Variants in ARHGAP20 observed in about 807,000 individuals in gnomAD.
ARHGAP20 encodes the protein rho GTPase-activating protein 20.
A neutral mutation model predicts 73.7 loss-of-function variants in ARHGAP20; 34 were observed. That is an observed-to-expected ratio of 0.46 (90% CI 0.35 to 0.61). ARHGAP20 has a LOEUF of 0.61. Ranked by LOEUF, ARHGAP20 falls within the 20% of genes least tolerant of loss-of-function variation. The pLI, the probability that ARHGAP20 is intolerant of heterozygous loss-of-function variation, is 0.00. For missense variants in ARHGAP20, 1,314 were observed against 1,420.9 expected, an observed-to-expected ratio of 0.92 and a Z score of 1.21; for synonymous variants, 523 against 518.2, an observed-to-expected ratio of 1.01 and a Z score of -0.13.
chr11:110,695,461 T>G (rs1950317974), intron 1 of ARHGAP20, among the ~76,000 whole-genome samples: 1 of 151,616 alleles, frequency 6.6e-6, no homozygotes, highest in Non-Finnish European at 1.5e-5. Context: ...TTGTATCTAT[T>G]ATAAAGAAAT....
intron 2 of ARHGAP20, among the ~76,000 whole-genome samples, chr11:110,670,403 C>T (rs555037024): frequency 6.6e-6 from 1 of 152,084 alleles, no homozygotes; most frequent in South Asian, 2.1e-4. Context: ...AACATTATAG[C>T]TCCTACACAC....
intron 2 of ARHGAP20, among the ~76,000 whole-genome samples, chr11:110,683,134 T>A (rs1950068303): frequency 6.6e-6 from 1 of 152,098 alleles, no homozygotes; most frequent in Non-Finnish European, 1.5e-5. Flanking sequence ...GTGGATACAT[T>A]TTTGTGCAAT....
intron 4 of ARHGAP20, among the ~76,000 whole-genome samples, chr11:110,619,917 A>G (rs1381977599): frequency 1.3e-5 from 2 of 152,210 alleles, no homozygotes; most frequent in Non-Finnish European, 2.9e-5. Flanking sequence ...AAGCATGAAA[A>G]GCTCACATGG....
At chr11:110,581,294 C>G in intron 14 of ARHGAP20, 69 bp from the exon 15 acceptor site, 1 of 1,421,036 alleles carries the variant, frequency 7.0e-7, no homozygotes, top group Middle Eastern at 2.1e-4. Flanking sequence ...TCCTTAAGAA[C>G]AAATTCTCTT....
At chr11:110,610,556 C>T (rs1435563771) in intron 7 of ARHGAP20, among the ~76,000 whole-genome samples, 1 of 152,028 alleles carries the variant, frequency 6.6e-6, no homozygotes, top group Non-Finnish European at 1.5e-5. Context: ...AATGAAAGTA[C>T]TCATTGTGTG....
rs545711057 is a variant in ARHGAP20, at chr11:110,650,172, T to G, written c.189-19380A>C. Among the ~76,000 whole-genome samples the G allele has an allele frequency of 1.9e-3, 296 of 152,258 alleles. 4 individuals are homozygous for G. The highest frequency in any genetic ancestry group is 6.8e-3 in the African/African-American group (281 of 41,574). On this transcript the variant is annotated intron_variant, in intron 2 of 14. Coordinates refer to ENST00000683387, the MANE Select transcript of ARHGAP20 (RefSeq NM_001384657.1). ...ACTTATTTTATATCTATATGCCATG[T>G]TTCCCCAGCTGGATGGTAAGCTCCT... is the stretch of plus-strand genomic sequence containing the variant.
chr11:110,599,997 C>T (rs1473558096), intron 9 of ARHGAP20, among the ~76,000 whole-genome samples: 1 of 152,202 alleles, frequency 6.6e-6, no homozygotes, highest in Non-Finnish European at 1.5e-5. Flanking sequence ...CTTGATGGGG[C>T]ACCCTGGCTG....
At chr11:110,594,600 C>A (rs982487550) in intron 9 of ARHGAP20, among the ~76,000 whole-genome samples, 1 of 152,078 alleles carries the variant, frequency 6.6e-6, no homozygotes, top group Non-Finnish European at 1.5e-5. Context: ...TTTCTTCCTG[C>A]TCTGACATTC....
intron 9 of ARHGAP20, among the ~76,000 whole-genome samples, chr11:110,596,493 C>T (rs1300348568): frequency 6.6e-6 from 1 of 152,098 alleles, no homozygotes; most frequent in East Asian, 1.9e-4. Context: ...TATGAACAGA[C>T]ACTTCTCAAA....
At chr11:110,711,404 C>T (rs1161379753) in intron 1 of ARHGAP20, among the ~76,000 whole-genome samples, 1 of 151,572 alleles carries the variant, frequency 6.6e-6, no homozygotes, top group Non-Finnish European at 1.5e-5. Flanking sequence ...GACCCCCAAC[C>T]ACAGCCCACC....
intron 9 of ARHGAP20, among the ~76,000 whole-genome samples, chr11:110,593,549 T>G (rs2134834228): frequency 6.6e-6 from 1 of 152,028 alleles, no homozygotes; most frequent in African/African-American, 2.4e-5. Context: ...ACTGGGTGAG[T>G]TTTCTAATCT....
At chr11:110,625,407 A>C (rs568816650) in intron 3 of ARHGAP20, among the ~76,000 whole-genome samples, 3 of 152,304 alleles carry the variant, frequency 2.0e-5, no homozygotes, top group African/African-American at 7.2e-5. Context: ...GTAGTTAATT[A>C]GAAGAATTTA....
At chr11:110,607,720 T>A (rs886777550) in intron 8 of ARHGAP20, among the ~76,000 whole-genome samples, 1 of 152,118 alleles carries the variant, frequency 6.6e-6, no homozygotes, top group African/African-American at 2.4e-5. Flanking sequence ...AATCAATTTA[T>A]CAAAACAGCC....
chr11:110,654,911 A>T (rs977923540), intron 2 of ARHGAP20, among the ~76,000 whole-genome samples: 1 of 152,198 alleles, frequency 6.6e-6, no homozygotes. Context: ...AGATTTGACA[A>T]TAAATCTTTA....
At chr11:110,709,091 T>C (rs867346907) in intron 1 of ARHGAP20, among the ~76,000 whole-genome samples, 1 of 152,156 alleles carries the variant, frequency 6.6e-6, no homozygotes, top group Admixed American at 6.5e-5. Flanking sequence ...CACCACTTGT[T>C]TCTCTAAACG....
chr11:110,641,991 T>C (rs776725457), intron 2 of ARHGAP20, among the ~76,000 whole-genome samples: 8 of 152,098 alleles, frequency 5.3e-5, no homozygotes, highest in Non-Finnish European at 7.4e-5. Context: ...AACAAGGTCA[T>C]CAATATGCTT....
intron 9 of ARHGAP20, among the ~76,000 whole-genome samples, chr11:110,605,300 C>T (rs1425728831): frequency 6.6e-6 from 1 of 152,160 alleles, no homozygotes; most frequent in Non-Finnish European, 1.5e-5. Context: ...CTGAAGAAAA[C>T]AGATGGTGGT....
chr11:110,671,696 T>C (rs1444581046), intron 2 of ARHGAP20, among the ~76,000 whole-genome samples: 1 of 151,832 alleles, frequency 6.6e-6, no homozygotes, highest in African/African-American at 2.4e-5. Context: ...AATGGACAAA[T>C]GAATATGAAA....
chr11:110,630,590 A>G, intron 3 of ARHGAP20, 38 bp downstream of exon 3: 1 of 1,584,514 alleles, frequency 6.3e-7, no homozygotes, highest in South Asian at 1.1e-5. Flanking sequence ...TAAAAGTGCA[A>G]TTTTATAATG....
Sources: gnomAD v4.1 joint callset for allele counts (sites outside exome capture counted in the v4.1 genomes callset) on GRCh38, gnomAD v4.1.1 for gene constraint, MANE v1.5 for transcripts, NCBI Gene and HGNC (gene_info 2026-07-23, HGNC 2026-07-21) for gene names.